The following PRKAR1B variants were observed in gnomAD, a reference collection of about 807,000 sequenced individuals.
PRKAR1B encodes the protein protein kinase cAMP-dependent type I regulatory subunit beta.
PRKAR1B carries 22 observed loss-of-function variants against 46.5 expected under a neutral mutation model. The ratio of observed to expected loss-of-function variants is 0.47; its 90% CI spans 0.34 to 0.68. The LOEUF (loss-of-function observed/expected upper bound fraction) is 0.68. Ranked by LOEUF, PRKAR1B falls within the 30% of genes least tolerant of loss-of-function variation. The pLI, the probability that PRKAR1B is intolerant of heterozygous loss-of-function variation, is 0.01. For missense variants in PRKAR1B, 445 were observed against 535.6 expected (o/e 0.83, Z 1.67); for synonymous variants, 259 against 217.7 (o/e 1.19, Z -1.67).
chr7:585,784 G>T (rs1172012049), intron 7 of PRKAR1B, among the ~76,000 whole-genome samples: 1 of 152,040 alleles, frequency 6.6e-6, no homozygotes, highest in African/African-American at 2.4e-5. Flanking sequence ...CCCTAGATAG[G>T]AACCACGGAA....
In PRKAR1B at chr7:550,314, C is replaced by T. The variant is rs868322437; in HGVS notation, c.*116G>A. 36 of 880,196 alleles carry T rather than the reference C, an allele frequency of 4.1e-5. No homozygotes were observed. Among genetic ancestry groups the T allele is most frequent in the Middle Eastern group, 5.8e-4 (2 of 3,452 alleles). The allele number at this position is 880,196 out of a possible 1,614,324, so 54.5% of individuals were successfully genotyped here. A position where few individuals can be genotyped will look rare whatever the true frequency, so the allele number is the denominator to read the frequency against. On this transcript the variant is annotated 3_prime_UTR_variant, in exon 11 of 11. Coordinates refer to ENST00000537384, the MANE Select transcript of PRKAR1B (RefSeq NM_001164760.2). ...GGGGAAGGGGCAGTCCTCACGCTGC[C>T]GGGACCCAGCCCCACCCGGCCCACA...
chr7:570,224 G>T (rs1156870054), intron 9 of PRKAR1B, among the ~76,000 whole-genome samples: 1 of 152,218 alleles, frequency 6.6e-6, no homozygotes, highest in Non-Finnish European at 1.5e-5. Context: ...TAGGCCTCCG[G>T]AAGGTTGACC....
At position 602,236 on chromosome 7, in the gene PRKAR1B, G is replaced by A. The variant is rs1004603788; in HGVS notation, c.549+3957C>T. Among the ~76,000 whole-genome samples, 7 of 152,212 alleles carry A rather than the reference G, an allele frequency of 4.6e-5. No homozygotes were observed. Among genetic ancestry groups the A allele is most frequent in the African/African-American group, 1.7e-4 (7 of 41,554 alleles). Reference sequence around the variant, plus strand: ...CCTGCTTTGAAGTGGCTCCGGCACCGGCCTCTCCCACCACCCTGTCATGTA... The same window carrying A: ...CCTGCTTTGAAGTGGCTCCGGCACCAGCCTCTCCCACCACCCTGTCATGTA... On this transcript the variant is annotated intron_variant, in intron 6 of 10. Coordinates refer to ENST00000537384, the MANE Select transcript of PRKAR1B (RefSeq NM_001164760.2). This position sits in a 1 kb window ranked among gnomAD's most constrained non-coding sequence, Gnocchi z 6.4.
chr7:612,466 GGATGGATGGATGTAAGGATGGATGATA>G (rs929929835), intron 4 of PRKAR1B, among the ~76,000 whole-genome samples: 4 of 151,406 alleles, frequency 2.6e-5, no homozygotes, highest in Non-Finnish European at 5.9e-5. Flanking sequence ...GTGGATGGAT[GGATGGATGGATGTAAGGATGGATGATA>G]GATGGATGGA....
intron 4 of PRKAR1B, among the ~76,000 whole-genome samples, chr7:620,633 TTAA>T (rs1159073167): frequency 1.3e-5 from 2 of 152,248 alleles, no homozygotes; most frequent in Non-Finnish European, 2.9e-5. Context: ...CTTGGGCTTC[TTAA>T]TGATGATTTT....
At chr7:649,353 T>C (rs1210979467) in intron 4 of PRKAR1B, among the ~76,000 whole-genome samples, 1 of 152,204 alleles carries the variant, frequency 6.6e-6, no homozygotes, top group Non-Finnish European at 1.5e-5. Context: ...AAAGACGCGT[T>C]GAATGTTTGG....
chr7:595,123 G>A (rs1020316130), intron 7 of PRKAR1B, among the ~76,000 whole-genome samples: 2 of 152,146 alleles, frequency 1.3e-5, no homozygotes, highest in Non-Finnish European at 2.9e-5. Context: ...AGCCCTCCCC[G>A]CCCTCTCTGG....
chr7:615,512 G>A (rs1374786846), intron 4 of PRKAR1B, among the ~76,000 whole-genome samples: 1 of 150,536 alleles, frequency 6.6e-6, no homozygotes, highest in Admixed American at 6.6e-5. Flanking sequence ...AAGGAAAAAA[G>A]GAAGAAAGGA....
chr7:553,590 G>A (rs997463722), intron 9 of PRKAR1B, among the ~76,000 whole-genome samples: 4 of 152,210 alleles, frequency 2.6e-5, no homozygotes, highest in East Asian at 1.9e-4. Flanking sequence ...CCTGGCAGAC[G>A]GCGGCCCTCT....
chr7:691,714 A>T (rs1177359474), intron 2 of PRKAR1B: 3 of 1,254,508 alleles, frequency 2.4e-6, no homozygotes, highest in Non-Finnish European at 3.1e-6. Context: ...CTCCTCGTGG[A>T]CAAAACCCCG....
At chr7:713,513 C>T (rs1398948553) in intron 1 of PRKAR1B, among the ~76,000 whole-genome samples, 1 of 152,074 alleles carries the variant, frequency 6.6e-6, no homozygotes, top group Admixed American at 6.6e-5. Context: ...CCACACTCAC[C>T]TGTACACAGA....
intron 4 of PRKAR1B, among the ~76,000 whole-genome samples, chr7:634,805 A>G (rs1409594387): frequency 6.6e-6 from 1 of 151,786 alleles, no homozygotes; most frequent in Non-Finnish European, 1.5e-5. Context: ...ATGTCTGGCT[A>G]ATTTTTGTGT....
chr7:705,700 C>T (rs1009552216), intron 2 of PRKAR1B, among the ~76,000 whole-genome samples: 10 of 152,086 alleles, frequency 6.6e-5, no homozygotes, highest in Admixed American at 4.6e-4. Flanking sequence ...AGAACACTGC[C>T]GGCAATAAAA....
intron 1 of PRKAR1B, among the ~76,000 whole-genome samples, chr7:718,104 A>T (rs915028627): frequency 3.9e-5 from 6 of 151,964 alleles, no homozygotes; most frequent in Admixed American, 3.3e-4. Context: ...AACCAAGTGC[A>T]CTTGGGAACG....
At chr7:706,440 T>TTTTTTTTTTTTTTG (rs1562355606) in intron 2 of PRKAR1B, among the ~76,000 whole-genome samples, 1 of 146,864 alleles carries the variant, frequency 6.8e-6, no homozygotes. Flanking sequence ...TTTTTTTTTT[T>TTTTTTTTTTTTTTG]TGAGACGGAG....
chr7:690,899 G>C (rs920115449), intron 2 of PRKAR1B, among the ~76,000 whole-genome samples: 1 of 152,212 alleles, frequency 6.6e-6, no homozygotes, highest in African/African-American at 2.4e-5. Context: ...CGGGCCTGGC[G>C]GCTGGTGTCT....
intron 4 of PRKAR1B, among the ~76,000 whole-genome samples, chr7:610,889 A>C (rs750025932): frequency 1.3e-5 from 2 of 152,226 alleles, no homozygotes; most frequent in African/African-American, 4.8e-5. Flanking sequence ...CCCATCAACA[A>C]ACACAGCTTC....
chr7:552,507 C>T (rs1447381298), intron 9 of PRKAR1B, among the ~76,000 whole-genome samples: 1 of 151,758 alleles, frequency 6.6e-6, no homozygotes, highest in Non-Finnish European at 1.5e-5. Flanking sequence ...CCACCCAGGT[C>T]CTTCTCCAGA....
intron 9 of PRKAR1B, among the ~76,000 whole-genome samples, chr7:574,135 C>G (rs1157939509): frequency 1.3e-5 from 2 of 152,228 alleles, no homozygotes; most frequent in Non-Finnish European, 2.9e-5. Flanking sequence ...TTTTCCTACA[C>G]GGGTCCTTGG....
Sources: gnomAD v4.1 joint callset for allele counts (sites outside exome capture counted in the v4.1 genomes callset) on GRCh38, gnomAD v4.1.1 for gene constraint, Gnocchi (gnomAD v3.1) non-coding constraint, MANE v1.5 for transcripts, NCBI Gene and HGNC (gene_info 2026-07-23, HGNC 2026-07-21) for gene names.